Variants in CACNA2D4 observed in about 807,000 individuals in gnomAD.
CACNA2D4 encodes the protein calcium voltage-gated channel auxiliary subunit alpha2delta 4.
In CACNA2D4, 157 loss-of-function variants were observed where a neutral mutation model predicts 163.8. That is an observed-to-expected ratio of 0.96 (90% CI 0.84 to 1.09). The LOEUF (loss-of-function observed/expected upper bound fraction) is 1.09, where lower values mean the gene tolerates loss of function less well. CACNA2D4 is among the 50% of genes least tolerant of loss of function. The pLI, the probability that CACNA2D4 is intolerant of heterozygous loss-of-function variation, is 0.00. For synonymous variants in CACNA2D4, 598 were observed against 586.9 expected (o/e 1.02, Z -0.27); for missense variants, 1,410 against 1,479.9 (o/e 0.95, Z 0.78).
intron 6 of CACNA2D4, among the ~76,000 whole-genome samples, chr12:1,905,328 C>A (rs1168432694): frequency 6.6e-6 from 1 of 152,078 alleles, no homozygotes; most frequent in African/African-American, 2.4e-5. Context: ...TTTGCCCCTT[C>A]TACTCAACAT....
intron 9 of CACNA2D4, 88 bp downstream of exon 9, chr12:1,885,877 G>C (rs1470095098): frequency 3.1e-6 from 3 of 958,676 alleles, no homozygotes; most frequent in Admixed American, 2.1e-5. Flanking sequence ...TAAGCAAAAA[G>C]GGCCACAGAA....
rs530693269 is a variant in CACNA2D4 at position 1,879,522 on chromosome 12, C to T, written c.1563+282G>A. On this transcript the variant is annotated intron_variant, in intron 14 of 37. Coordinates refer to ENST00000382722, the MANE Select transcript of CACNA2D4 (RefSeq NM_172364.5). ...GCAGGAAGGCTGACGGGAAACCCTC[C>T]GGTCTTATATCCCCAAGGCAGGGGT... Among the ~76,000 whole-genome samples the T allele has an allele frequency of 6.6e-5, 10 of 152,292 alleles. No individual in the cohort carries two copies. The East Asian group carries it at 1.7e-3, about 26-fold the overall frequency.
At position 1,795,730 on chromosome 12, in the gene CACNA2D4, G is replaced by C; in HGVS notation, c.3164C>G (p.Thr1055Arg). The stretch of plus-strand genomic sequence containing the variant: ...GATGCTGCAGTCACAGGTGGGGTCT[G>C]TCACCAGGAGGAGGAGGTTACTGTT... ...IPNSNLLLLV[T>R]DPTCDCSIFP... Residue 1055 changes from threonine (T) to arginine (R), a missense_variant, in exon 36 of 38, where the codon ACA (threonine) becomes AGA (arginine). Transcript: ENST00000382722. 3 of 1,613,796 alleles carry C rather than the reference G, an allele frequency of 1.9e-6. No individual in the cohort carries two copies. Among genetic ancestry groups the C allele is most frequent in the Non-Finnish European group, 2.5e-6 (3 of 1,179,730 alleles).
chr12:1,908,033 T>C lies in CACNA2D4; in HGVS notation c.491A>G (p.Asp164Gly). The C allele has an allele frequency of 6.2e-7, 1 of 1,611,904 alleles. No homozygotes were observed. Among genetic ancestry groups the C allele is most frequent in the Non-Finnish European group, 8.5e-7 (1 of 1,178,442 alleles). ...NHEFNESLVF[D>G]YYNSVLINER... ...GTTGATCAGGACCGAGTTGTAATAG[T>C]CGAACTGGGGTGGACGGGTGAGGCC... Residue 164 changes from aspartate to glycine, a missense_variant, in exon 5 of 38, where the codon GAC (aspartate) becomes GGC (glycine). Asp to Gly is a moderately conservative substitution (Grantham distance 94). Transcript: ENST00000382722.
In CACNA2D4 at chr12:1,834,160, G is replaced by T; in HGVS notation, c.2551+6579C>A. ...TGATTCCAGGATTGACTACATTGCT[G>T]ATAAAAACTACCTTCTGGGGCTTCC... is the stretch of plus-strand genomic sequence containing the variant. On this transcript the variant is annotated intron_variant, in intron 26 of 37. Transcript: ENST00000382722. This position sits in a 1 kb window ranked among gnomAD's most constrained non-coding sequence, Gnocchi z 7.6. 7.6e-7 allele frequency: 1 copy of T among 1,313,616 alleles called. No individual in the cohort carries two copies. Among genetic ancestry groups the T allele is most frequent in the South Asian group, 1.5e-5 (1 of 64,638 alleles). 81.4% of individuals were successfully genotyped at this position (1,313,616 alleles called of 1,614,324 possible).
intron 26 of CACNA2D4, among the ~76,000 whole-genome samples, chr12:1,813,606 A>C (rs1229083843): frequency 6.6e-6 from 1 of 152,160 alleles, no homozygotes; most frequent in Non-Finnish European, 1.5e-5. Flanking sequence ...AGCTCATCTG[A>C]GTTTGCAGAT....
intron 26 of CACNA2D4, among the ~76,000 whole-genome samples, chr12:1,822,765 G>A (rs1347603292): frequency 6.6e-6 from 1 of 152,206 alleles, no homozygotes; most frequent in Non-Finnish European, 1.5e-5. Flanking sequence ...TGGGGGTGAT[G>A]GGCAGCTGTC....
At chr12:1,867,823 T>G (rs1865688002) in intron 18 of CACNA2D4, among the ~76,000 whole-genome samples, 1 of 152,178 alleles carries the variant, frequency 6.6e-6, no homozygotes, top group Admixed American at 6.5e-5. Flanking sequence ...GAATAGACCT[T>G]TCTCAAAAGA....
chr12:1,805,187 C>T (rs975844409), intron 29 of CACNA2D4, among the ~76,000 whole-genome samples: 3 of 152,152 alleles, frequency 2.0e-5, no homozygotes, highest in African/African-American at 7.2e-5. Context: ...AGGACCCCCC[C>T]TGCCTGGCCT....
intron 26 of CACNA2D4, among the ~76,000 whole-genome samples, chr12:1,832,325 C>T (rs1349892570): frequency 1.3e-5 from 2 of 152,174 alleles, no homozygotes; most frequent in Non-Finnish European, 2.9e-5. Flanking sequence ...ATATCTATTT[C>T]GTAGGGTCAT....
rs1431364196 is a variant in CACNA2D4 at position 1,799,944 on chromosome 12, G to C, written c.2974+56C>G. ...CCCCACAGGGAATGGTCTCACGTTA[G>C]TGGACCAAAATGCCACTGCTCTTCA... On this transcript the variant is annotated intron_variant, in intron 33 of 37. Transcript: ENST00000382722. The surrounding 1 kb of genome is among the most constrained non-coding windows in gnomAD (Gnocchi z 4.7). The C allele has an allele frequency of 2.6e-6, 4 of 1,547,176 alleles. No homozygotes were observed. In the East Asian group the frequency reaches 7.2e-5, roughly 28 times the overall value.
chr12:1,854,945 A>G (rs1293100825), intron 22 of CACNA2D4, among the ~76,000 whole-genome samples: 1 of 151,984 alleles, frequency 6.6e-6, no homozygotes, highest in Non-Finnish European at 1.5e-5. Context: ...TTGTACAACC[A>G]CCACCTCTAT....
chr12:1,798,232 C>T lies in CACNA2D4; in HGVS notation c.2996-697G>A, dbSNP rs879325849. 2.6e-5 allele frequency among the ~76,000 whole-genome samples: 4 copies of T among 152,200 alleles called. No individual in the cohort carries two copies. The highest frequency in any genetic ancestry group is 2.6e-4 in the Admixed American group (4 of 15,282). ...TGCAGGACCCGAGTCCGTTCCCTCC[C>T]GGAGCCTCCTGAGGTGGGCACATGG... On this transcript the variant is annotated intron_variant, in intron 34 of 37. Transcript: ENST00000382722. This position sits in a 1 kb window ranked among gnomAD's most constrained non-coding sequence, Gnocchi z 4.3.
intron 26 of CACNA2D4, among the ~76,000 whole-genome samples, chr12:1,818,170 G>GC (rs1403710747): frequency 8.1e-5 from 12 of 148,748 alleles, no homozygotes; most frequent in Non-Finnish European, 1.8e-4. Context: ...CCTCCGCCCG[G>GC]CAGCCGCCCC....
chr12:1,908,612 G>C (rs1045638816), intron 4 of CACNA2D4, among the ~76,000 whole-genome samples: 5 of 151,702 alleles, frequency 3.3e-5, no homozygotes, highest in South Asian at 4.2e-4. Flanking sequence ...CCAGGACTGC[G>C]TCACGGACAT....
intron 1 of CACNA2D4, 192 bp from the exon 2 acceptor site, chr12:1,915,127 AC>A (rs1866935473): frequency 5.7e-6 from 4 of 703,966 alleles, no homozygotes; most frequent in Non-Finnish European, 1.0e-5. Context: ...ACACATACAT[AC>A]CCCCCACACA....
In CACNA2D4 at chr12:1,879,809, C is replaced by T. The variant is rs201110560; in HGVS notation, c.1558G>A (p.Glu520Lys). ...VAMPVFSKKN[E>K]TRSHGILLGV... ...CTCCAGGAGCGGCCACTCACCGTTTCGTTCTTCTTGCTGAAGACTGGCATG... is the reference window on the plus strand; with the variant it reads ...CTCCAGGAGCGGCCACTCACCGTTTTGTTCTTCTTGCTGAAGACTGGCATG... Residue 520 changes from glutamate (E) to lysine (K), a missense_variant, in exon 14 of 38, where the codon GAA becomes AAA. Coordinates refer to ENST00000382722, the MANE Select transcript of CACNA2D4 (RefSeq NM_172364.5). The T allele has an allele frequency of 5.4e-5, 86 of 1,599,040 alleles. No individual in the cohort carries two copies. The highest frequency in any genetic ancestry group is 6.7e-5 in the Non-Finnish European group (78 of 1,172,844).
intron 9 of CACNA2D4, 76 bp from the exon 10 acceptor site, chr12:1,885,152 G>T: frequency 7.7e-7 from 1 of 1,293,088 alleles, no homozygotes; most frequent in South Asian, 1.2e-5. Flanking sequence ...GTGTTAATTT[G>T]GGAGGCTGTT....
At chr12:1,908,125 C>T (rs970380914) in intron 4 of CACNA2D4, 88 bp from the exon 5 acceptor site, 2 of 1,378,364 alleles carry the variant, frequency 1.5e-6, no homozygotes, top group East Asian at 2.3e-5. Flanking sequence ...GGTGAGAGGA[C>T]GAGAGGGCCG....
Sources: gnomAD v4.1 joint callset for allele counts (sites outside exome capture counted in the v4.1 genomes callset) on GRCh38, gnomAD v4.1.1 for gene constraint, Gnocchi (gnomAD v3.1) non-coding constraint, MANE v1.5 for transcripts, NCBI Gene and HGNC (gene_info 2026-07-23, HGNC 2026-07-21) for gene names.